GMDS: variants seen among roughly 807,000 people sequenced by gnomAD.
GMDS encodes the protein GDP-mannose 4,6-dehydratase.
A neutral mutation model predicts 49.9 loss-of-function variants in GMDS; 20 were observed. The observed-to-expected ratio is 0.40, with a 90% CI of 0.28 to 0.58. The LOEUF (loss-of-function observed/expected upper bound fraction) is 0.58, where lower values mean the gene tolerates loss of function less well. GMDS is among the 20% of genes least tolerant of loss of function. The pLI is 0.42. For missense variants in GMDS, 362 were observed against 481.4 expected, an observed-to-expected ratio of 0.75 and a Z score of 2.32; for synonymous variants, 177 against 178.6, an observed-to-expected ratio of 0.99 and a Z score of 0.07.
At chr6:2,022,556 G>A (rs1768341992) in intron 4 of GMDS, among the ~76,000 whole-genome samples, 1 of 152,124 alleles carries the variant, frequency 6.6e-6, no homozygotes, top group African/African-American at 2.4e-5. Context: ...TGTTCAATCT[G>A]CTCGCGATAA....
At chr6:2,094,085 C>T (rs1050075971) in intron 4 of GMDS, among the ~76,000 whole-genome samples, 1 of 152,162 alleles carries the variant, frequency 6.6e-6, no homozygotes, top group African/African-American at 2.4e-5. Flanking sequence ...GCTAAATGAC[C>T]ACTCCCAAGG....
chr6:1,841,772 G>A (rs1164415023), intron 7 of GMDS, among the ~76,000 whole-genome samples: 3 of 152,182 alleles, frequency 2.0e-5, no homozygotes, highest in African/African-American at 7.2e-5. Context: ...GAACCATGAG[G>A]AAGGACGCTG....
intron 9 of GMDS, among the ~76,000 whole-genome samples, chr6:1,649,094 G>T (rs1448559324): frequency 1.3e-5 from 2 of 152,168 alleles, no homozygotes; most frequent in Admixed American, 6.5e-5. Context: ...CAGGTTTTGG[G>T]TTATGCTGCA....
At chr6:1,955,707 T>A (rs17134537) in intron 6 of GMDS, among the ~76,000 whole-genome samples, 6,022 of 151,352 alleles carry the variant, frequency 0.04, 393 homozygotes, top group African/African-American at 0.14. Context: ...CTAGATGTAT[T>A]ACACGGTTCT....
rs1025801152 is a variant in GMDS, at chr6:1,960,894, T to C, written c.418A>G (p.Lys140Glu). 6.2e-7 allele frequency: 1 copy of C among 1,610,440 alleles called. No homozygotes were observed. Among genetic ancestry groups the C allele is most frequent in the African/African-American group, 1.3e-5 (1 of 75,008 alleles). The change falls in exon 5 of 11, where the codon AAG becomes GAG. Residue 140 changes from lysine (K) to glutamate (E), a missense_variant. Coordinates refer to ENST00000380815, the MANE Select transcript of GMDS (RefSeq NM_001500.4). Reference protein sequence around the residue: ...VGTLRLLDAVKTCGLINSVKF... With the variant: ...VGTLRLLDAVETCGLINSVKF... Reference sequence around the variant, plus strand: ...ACAGAGTTGATAAGGCCACAAGTCTTAACTGCATCTAGAAGTCGTAGAGTG... The same window carrying C: ...ACAGAGTTGATAAGGCCACAAGTCTCAACTGCATCTAGAAGTCGTAGAGTG...
chr6:1,975,373 A>T (rs1039524038), intron 4 of GMDS, among the ~76,000 whole-genome samples: 9 of 152,130 alleles, frequency 5.9e-5, no homozygotes, highest in African/African-American at 2.2e-4. Flanking sequence ...AGTAACACTG[A>T]CTCTGGGACT....
At chr6:1,710,817 C>T (rs1316113805) in intron 9 of GMDS, among the ~76,000 whole-genome samples, 1 of 152,156 alleles carries the variant, frequency 6.6e-6, no homozygotes, top group Non-Finnish European at 1.5e-5. Flanking sequence ...TTGGGGAGGG[C>T]GGATGTCAAG....
At chr6:2,024,982 TA>T (rs1581533630) in intron 4 of GMDS, among the ~76,000 whole-genome samples, 2 of 151,960 alleles carry the variant, frequency 1.3e-5, no homozygotes, top group East Asian at 3.9e-4. Flanking sequence ...CTAATAAGAA[TA>T]AAAAAGTATA....
intron 4 of GMDS, among the ~76,000 whole-genome samples, chr6:1,972,288 T>C (rs1764664632): frequency 6.6e-6 from 1 of 151,124 alleles, no homozygotes; most frequent in Admixed American, 6.6e-5. Flanking sequence ...TAGAAAATCT[T>C]AATTTAAAAA....
At chr6:1,931,302 G>C (rs925859870) in intron 6 of GMDS, among the ~76,000 whole-genome samples, 2 of 152,242 alleles carry the variant, frequency 1.3e-5, no homozygotes, top group Non-Finnish European at 2.9e-5. Flanking sequence ...ACAGGGATAA[G>C]GGGAATATTT....
intron 6 of GMDS, among the ~76,000 whole-genome samples, chr6:1,938,519 G>T (rs1003184948): frequency 6.6e-6 from 1 of 152,182 alleles, no homozygotes; most frequent in African/African-American, 2.4e-5. Flanking sequence ...TTTCTGCTAG[G>T]AAGAAGTGTG....
chr6:1,951,791 ATAT>A (rs1763353803), intron 6 of GMDS: 1 of 541,518 alleles, frequency 1.8e-6, no homozygotes, highest in African/African-American at 2.0e-5. Context: ...TTATATTCTA[ATAT>A]TATAAAACTA....
chr6:1,700,551 A>G (rs4959594), intron 9 of GMDS, among the ~76,000 whole-genome samples: 129,927 of 152,124 alleles, frequency 0.85, 55,707 homozygotes, highest in East Asian at 1. Context: ...CCCTCAGCAG[A>G]GTCAGGAGCT....
chr6:1,785,632 C>G (rs527804803), intron 7 of GMDS, among the ~76,000 whole-genome samples: 2 of 152,192 alleles, frequency 1.3e-5, no homozygotes, highest in African/African-American at 4.8e-5. Context: ...TTGCCTGCCA[C>G]GACCTGCCTC....
intron 7 of GMDS, among the ~76,000 whole-genome samples, chr6:1,817,099 T>C (rs1244580720): frequency 1.5e-5 from 2 of 137,202 alleles, no homozygotes; most frequent in Non-Finnish European, 3.1e-5. Flanking sequence ...ATTTAATACA[T>C]TGCTCCTTTA....
chr6:2,197,837 G>A (rs1367021271), intron 1 of GMDS, among the ~76,000 whole-genome samples: 3 of 152,186 alleles, frequency 2.0e-5, no homozygotes, highest in African/African-American at 7.2e-5. Context: ...TCTCACAGAG[G>A]AGCCCATTCT....
chr6:2,021,079 A>T (rs984290821), intron 4 of GMDS, among the ~76,000 whole-genome samples: 1 of 152,228 alleles, frequency 6.6e-6, no homozygotes, highest in African/African-American at 2.4e-5. Flanking sequence ...AATCAGGTGC[A>T]GAGCAGGAAC....
chr6:1,975,144 G>A (rs899555877), intron 4 of GMDS, among the ~76,000 whole-genome samples: 2 of 152,102 alleles, frequency 1.3e-5, no homozygotes, highest in South Asian at 2.1e-4. Context: ...ATCTAGCAAC[G>A]TCTATGGCAG....
At chr6:2,138,049 C>G (rs1749756065) in intron 1 of GMDS, among the ~76,000 whole-genome samples, 1 of 152,160 alleles carries the variant, frequency 6.6e-6, no homozygotes, top group African/African-American at 2.4e-5. Context: ...TTAATTTTTT[C>G]ATATCCATCT....
Sources: allele counts gnomAD v4.1 joint callset (sites outside exome capture counted in the v4.1 genomes callset), GRCh38; gene constraint gnomAD v4.1.1; transcripts MANE v1.5; gene names NCBI Gene and HGNC (gene_info 2026-07-23, HGNC 2026-07-21).